Variants in FBXO27 observed in about 807,000 individuals in gnomAD.
FBXO27 encodes the protein F-box protein 27.
FBXO27 carries 28 observed loss-of-function variants against 28.3 expected under a neutral mutation model. That is an observed-to-expected ratio of 0.99 (90% CI 0.73 to 1.36). The LOEUF (loss-of-function observed/expected upper bound fraction) is 1.36, where lower values mean the gene tolerates loss of function less well. FBXO27 is among the 40% of genes most tolerant of loss of function. The pLI is 0.00. For synonymous variants in FBXO27, 175 were observed against 167.3 expected, an observed-to-expected ratio of 1.05 and a Z score of -0.36; for missense variants, 388 against 394.1, an observed-to-expected ratio of 0.98 and a Z score of 0.13.
At chr19:39,023,407 G>A (rs889807102), downstream of FBXO27, among the ~76,000 whole-genome samples, 1 of 152,134 alleles carries the variant, frequency 6.6e-6, no homozygotes, top group African/African-American at 2.4e-5. Flanking sequence ...GGAGGAAAGA[G>A]CACCTATAAA....
At chr19:39,006,615 A>G (rs1351537286) in intron 2 of FBXO27, among the ~76,000 whole-genome samples, 5 of 152,060 alleles carry the variant, frequency 3.3e-5, no homozygotes, top group Non-Finnish European at 7.4e-5. Context: ...ACAGAGATCT[A>G]TCTTCGAAAG....
chr19:39,032,100 G>A lies in FBXO27; in HGVS notation c.128C>T (p.Pro43Leu). The stretch of plus-strand genomic sequence containing the variant: ...GCGGCAGCGCCCGAGCAGCGTGCGC[G>A]GGGGGACGTGGCTCAGCACCACCAG... Reference protein sequence around the residue: ...LLLVVLSHVPPRTLLGRCRQV... With the variant: ...LLLVVLSHVPLRTLLGRCRQV... The change falls in exon 2 of 6, where the codon CCG (proline) becomes CTG (leucine). Residue 43 changes from proline to leucine, a missense_variant. By Grantham distance (98) the Pro-to-Leu change is moderately conservative. Transcript: ENST00000292853. This position sits in a 1 kb window ranked among gnomAD's most constrained non-coding sequence, Gnocchi z 4.7. 2 of 1,529,014 alleles carry A rather than the reference G, an allele frequency of 1.3e-6. No individual in the cohort carries two copies. Among genetic ancestry groups the A allele is most frequent in the Non-Finnish European group, 1.7e-6 (2 of 1,145,460 alleles). 94.7% of individuals were successfully genotyped at this position (1,529,014 alleles called of 1,614,324 possible).
At chr19:39,021,556 TATA>T (rs1248450844), downstream of FBXO27, among the ~76,000 whole-genome samples, 1 of 152,224 alleles carries the variant, frequency 6.6e-6, no homozygotes, top group Non-Finnish European at 1.5e-5. Context: ...CAGTATATAA[TATA>T]ATAACATACA....
At position 39,006,997 on chromosome 19, in the gene FBXO27, C is replaced by A. The variant is rs149997356; in HGVS notation, c.252+7390G>T. ...CTGAGGTGGGAGGATCACTTGAGGC[C>A]AGGAATTCGAAGCTGCAGTGAGCTG... On this transcript the variant is annotated intron_variant, in intron 2 of 2. Coordinates refer to the FBXO27 transcript ENST00000598394. Among the ~76,000 whole-genome samples, 128 of 130,134 alleles carry A rather than the reference C, an allele frequency of 9.8e-4. 6 individuals carry two copies. The East Asian group carries it at 0.017, about 18-fold the overall frequency. 85.4% of individuals were successfully genotyped at this position (130,134 alleles called of 152,430 possible). A position where few individuals can be genotyped will look rare whatever the true frequency, so the allele number is the denominator to read the frequency against.
intron 2 of FBXO27, among the ~76,000 whole-genome samples, chr19:39,013,961 T>C (rs1395538523): frequency 2.0e-5 from 3 of 151,998 alleles, no homozygotes; most frequent in African/African-American, 7.2e-5. Context: ...TGCAGTGAGC[T>C]GAGATCACGC....
At chr19:39,023,127 C>T (rs7255339), downstream of FBXO27, among the ~76,000 whole-genome samples, 13,013 of 151,992 alleles carry the variant, frequency 0.086, 709 homozygotes, top group Non-Finnish European at 0.12. Flanking sequence ...TTAGTAGAGA[C>T]GGGGTTTCAC....
At chr19:39,005,955 C>G (rs749277557) in intron 2 of FBXO27, among the ~76,000 whole-genome samples, 7 of 152,130 alleles carry the variant, frequency 4.6e-5, no homozygotes, top group Non-Finnish European at 7.4e-5. Context: ...ATCAAGTGAT[C>G]AAGGTGAAAT....
At chr19:39,008,138 G>A (rs1251901336) in intron 2 of FBXO27, among the ~76,000 whole-genome samples, 1 of 151,898 alleles carries the variant, frequency 6.6e-6, no homozygotes, top group African/African-American at 2.4e-5. Flanking sequence ...GGTGGTGCAC[G>A]CCTATAGTCC....
rs767315342 is a variant in FBXO27, at chr19:39,025,234, C to A, written c.*177G>T. ...TAGGTAGATAAGATGGAAGAAGCTT[C>A]TTCTGGTAGTTTCTAGAACCTGAAG... On this transcript the variant is annotated 3_prime_UTR_variant, in exon 6 of 6. Transcript: ENST00000292853. 2 of 800,050 alleles carry A rather than the reference C, an allele frequency of 2.5e-6. No individual in the cohort carries two copies. The highest frequency in any genetic ancestry group is 1.9e-6 in the Non-Finnish European group (1 of 522,936). The allele number at this position is 800,050 out of a possible 1,614,324, so 49.6% of individuals were successfully genotyped here.
downstream of FBXO27, among the ~76,000 whole-genome samples, chr19:39,023,014 T>A (rs7256126): frequency 0.6 from 90,671 of 151,650 alleles, 27,409 homozygotes; most frequent in Middle Eastern, 0.63. Flanking sequence ...CATATTGGCC[T>A]GGCTGGTCTC....
intron 2 of FBXO27, among the ~76,000 whole-genome samples, chr19:39,007,765 C>T (rs1975746315): frequency 1.3e-5 from 2 of 152,160 alleles, no homozygotes; most frequent in Admixed American, 6.5e-5. Flanking sequence ...ACCTCAGCCT[C>T]CCAAGTAGTT....
intron 2 of FBXO27, 159 bp from the exon 3 acceptor site, chr19:39,031,479 G>A: frequency 1.5e-6 from 1 of 652,820 alleles, no homozygotes; most frequent in African/African-American, 1.9e-5. Context: ...CCAGCTCAGG[G>A]CAAAGCCCCG....
intron 2 of FBXO27, among the ~76,000 whole-genome samples, chr19:39,008,196 C>T (rs1244866466): frequency 1.3e-5 from 2 of 151,134 alleles, no homozygotes; most frequent in African/African-American, 4.9e-5. Context: ...ACCTGGGAAC[C>T]AGAGGTTGCA....
downstream of FBXO27, among the ~76,000 whole-genome samples, chr19:39,023,814 C>A (rs1418456765): frequency 6.6e-6 from 1 of 152,024 alleles, no homozygotes; most frequent in Non-Finnish European, 1.5e-5. Context: ...AGGGTTTCAC[C>A]ATGTTGGCCA....
chr19:39,007,214 C>T (rs484348), intron 2 of FBXO27, among the ~76,000 whole-genome samples: 6,818 of 152,246 alleles, frequency 0.045, 375 homozygotes, highest in African/African-American at 0.13. Context: ...CAGCCTGGGC[C>T]TCCAGCCCTA....
At chr19:39,028,392 C>G (rs1174678284) in intron 4 of FBXO27, among the ~76,000 whole-genome samples, 1 of 152,106 alleles carries the variant, frequency 6.6e-6, no homozygotes, top group Non-Finnish European at 1.5e-5. Context: ...ATAGTACCCA[C>G]TGATCAAAAC....
At position 39,026,963 on chromosome 19, in the gene FBXO27, G is replaced by A. The variant is rs761922877; in HGVS notation, c.615C>T (p.Leu205=). Residue 205 remains leucine (L), a synonymous_variant, in exon 5 of 6, where the codon CTC becomes CTT. Coordinates refer to ENST00000292853, the MANE Select transcript of FBXO27 (RefSeq NM_178820.5). The part of the protein sequence containing the change: ...RHDSGCMYRL[L]VQLLDANQTV... ...TCTGGTTGGCGTCTAGAAGTTGGAC[G>A]AGGAGTCTGTACATACAGCCGCTGT... is the stretch of plus-strand genomic sequence containing the variant. 6.2e-6 allele frequency: 10 copies of A among 1,614,068 alleles called. No individual in the cohort carries two copies. The highest frequency in any genetic ancestry group is 3.3e-5 in the Admixed American group (2 of 59,990).
intron 4 of FBXO27, among the ~76,000 whole-genome samples, chr19:39,028,572 A>G (rs2072885520): frequency 6.6e-6 from 1 of 151,860 alleles, no homozygotes; most frequent in African/African-American, 2.4e-5. Context: ...CCGTCTCTAC[A>G]GAAAATATGG....
At chr19:39,011,701 G>C (rs1449182540) in intron 2 of FBXO27, among the ~76,000 whole-genome samples, 4 of 151,104 alleles carry the variant, frequency 2.6e-5, no homozygotes, top group East Asian at 3.9e-4. Flanking sequence ...GGCGGGGGAG[G>C]GGGGGTCTCC....
Sources: gnomAD v4.1 joint callset for allele counts (sites outside exome capture counted in the v4.1 genomes callset) on GRCh38, gnomAD v4.1.1 for gene constraint, Gnocchi (gnomAD v3.1) non-coding constraint, MANE v1.5 for transcripts, NCBI Gene and HGNC (gene_info 2026-07-23, HGNC 2026-07-21) for gene names.